The following SLC44A5 variants were observed in gnomAD, a reference collection of about 807,000 sequenced individuals.
SLC44A5 encodes the protein solute carrier family 44 member 5.
In SLC44A5, 57 loss-of-function variants were observed where a neutral mutation model predicts 101.8. The ratio of observed to expected loss-of-function variants is 0.56; its 90% CI spans 0.45 to 0.70. The LOEUF is 0.70. Among genes scored for constraint, SLC44A5 ranks in the 30% least tolerant of loss-of-function variants. The pLI is 0.00. For synonymous variants in SLC44A5, 281 were observed against 290.9 expected (o/e 0.97, Z 0.35); for missense variants, 737 against 853.1 (o/e 0.86, Z 1.70).
chr1:75,242,153 CATA>C (rs934385223), intron 8 of SLC44A5, 92 bp from the exon 9 acceptor site: 17 of 862,946 alleles, frequency 2.0e-5, no homozygotes, highest in Middle Eastern at 2.3e-4. Flanking sequence ...AATTTAACTC[CATA>C]ATAATCTCCT....
rs567580122 is a variant in SLC44A5, at chr1:75,267,231, A to T, written c.260+7727T>A. On this transcript the variant is annotated intron_variant, in intron 6 of 23. Coordinates refer to ENST00000370859, the MANE Select transcript of SLC44A5 (RefSeq NM_001130058.2). The stretch of plus-strand genomic sequence containing the variant: ...TTTGCTTCATTATCAGGAAATAAAG[A>T]CTGAGGTAGGTTGTGTTCCATGCCA... 2.7e-4 allele frequency among the ~76,000 whole-genome samples: 41 copies of T among 152,248 alleles called. No homozygotes were observed. The South Asian group carries it at 8.3e-3, about 31-fold the overall frequency.
chr1:75,231,207 C>T (rs1290925051), intron 12 of SLC44A5, among the ~76,000 whole-genome samples: 3 of 152,116 alleles, frequency 2.0e-5, no homozygotes, highest in African/African-American at 7.2e-5. Context: ...ATCCCCTGTT[C>T]TGCTGCCAAC....
the SLC44A5 span, among the ~76,000 whole-genome samples, chr1:75,699,471 C>A: frequency 2.6e-5 from 4 of 151,752 alleles, no homozygotes; most frequent in African/African-American, 9.7e-5. Context: ...TCGTCACCAC[C>A]CGGCCTGCCC....
intron 3 of SLC44A5, among the ~76,000 whole-genome samples, chr1:75,341,893 A>G (rs1209387390): frequency 6.6e-6 from 1 of 152,176 alleles, no homozygotes; most frequent in Non-Finnish European, 1.5e-5. Flanking sequence ...CAAATATTCT[A>G]ATTCCATAGA....
chr1:75,615,825 G>C (rs562653814), upstream of SLC44A5: 34 of 982,694 alleles, frequency 3.5e-5, no homozygotes, highest in South Asian at 9.9e-4. Context: ...GAGGGGAGGC[G>C]GCGAGGGGAG....
chr1:75,565,176 T>G (rs1672727261), intron 1 of SLC44A5, among the ~76,000 whole-genome samples: 1 of 152,194 alleles, frequency 6.6e-6, no homozygotes, highest in African/African-American at 2.4e-5. Context: ...GCCAGCCTAC[T>G]TTTCCCGACC....
chr1:75,657,236 A>T, the SLC44A5 span, among the ~76,000 whole-genome samples: 4 of 152,178 alleles, frequency 2.6e-5, no homozygotes, highest in African/African-American at 9.7e-5. Context: ...CTCACTTCAC[A>T]TATAAAGACA....
At chr1:75,535,068 C>A (rs1379604438) in intron 2 of SLC44A5, among the ~76,000 whole-genome samples, 2 of 98,670 alleles carry the variant, frequency 2.0e-5, no homozygotes, top group Non-Finnish European at 4.0e-5. Flanking sequence ...ATAATTGAAG[C>A]TGCTTTTTTT....
intron 2 of SLC44A5, among the ~76,000 whole-genome samples, chr1:75,402,847 C>G (rs548460078): frequency 6.6e-6 from 1 of 152,194 alleles, no homozygotes; most frequent in South Asian, 2.1e-4. Flanking sequence ...TGAGACAGAA[C>G]CATTTACTCC....
chr1:75,295,235 A>G (rs997860969), intron 5 of SLC44A5, among the ~76,000 whole-genome samples: 22 of 152,250 alleles, frequency 1.4e-4, no homozygotes, highest in African/African-American at 5.3e-4. Context: ...TGTGTTTATT[A>G]GTAAGAGAAA....
Position 75,355,624 on chromosome 1 carries a change from C to T in SLC44A5, c.53-15994G>A, listed in dbSNP as rs1034291480. On this transcript the variant is annotated intron_variant, in intron 3 of 23. Coordinates refer to ENST00000370859, the MANE Select transcript of SLC44A5 (RefSeq NM_001130058.2). ...TGATGCTTCAGTCAATGATGAATCA[C>T]ATACATGAAGGTAGTCCTCCAAGAA... 2.6e-5 allele frequency among the ~76,000 whole-genome samples: 4 copies of T among 152,120 alleles called. No individual in the cohort carries two copies. The East Asian group carries it at 5.8e-4, about 22-fold the overall frequency.
At chr1:75,293,111 A>G (rs1313672902) in intron 5 of SLC44A5, among the ~76,000 whole-genome samples, 1 of 152,254 alleles carries the variant, frequency 6.6e-6, no homozygotes, top group Non-Finnish European at 1.5e-5. Context: ...AATTATTTGT[A>G]AAAGAATTCT....
chr1:75,383,517 A>T (rs949576602), intron 3 of SLC44A5, among the ~76,000 whole-genome samples: 1 of 152,230 alleles, frequency 6.6e-6, no homozygotes, highest in Non-Finnish European at 1.5e-5. Flanking sequence ...AAAAGAATAA[A>T]AAGAAATGAG....
At chr1:75,556,183 C>G (rs1056460493) in intron 1 of SLC44A5, among the ~76,000 whole-genome samples, 1 of 152,064 alleles carries the variant, frequency 6.6e-6, no homozygotes, top group East Asian at 1.9e-4. Flanking sequence ...TCTGACCCCT[C>G]TTCCTCCAAG....
chr1:75,576,161 T>C (rs569695760), intron 1 of SLC44A5, among the ~76,000 whole-genome samples: 197 of 151,520 alleles, frequency 1.3e-3, no homozygotes, highest in Admixed American at 2.6e-3. Flanking sequence ...GGATGTCTAT[T>C]ACAGTAAAAT....
At chr1:75,480,343 A>G (rs1400330769) in intron 2 of SLC44A5, among the ~76,000 whole-genome samples, 2 of 152,224 alleles carry the variant, frequency 1.3e-5, no homozygotes, top group Admixed American at 6.5e-5. Context: ...AAACTGGCAC[A>G]AGACAGGGAT....
chr1:75,479,953 A>G (rs1667724526), intron 2 of SLC44A5, among the ~76,000 whole-genome samples: 1 of 152,248 alleles, frequency 6.6e-6, no homozygotes, highest in Non-Finnish European at 1.5e-5. Flanking sequence ...AACCAAAAAA[A>G]GAGAATTTTA....
At chr1:75,583,912 G>A (rs957972837) in intron 1 of SLC44A5, among the ~76,000 whole-genome samples, 53 of 152,230 alleles carry the variant, frequency 3.5e-4, no homozygotes, top group South Asian at 2.1e-4. Flanking sequence ...TTGGTGGTCC[G>A]GCCAATTTTC....
At position 75,206,729 on chromosome 1, in the gene SLC44A5, C is replaced by A. The variant is rs762026140; in HGVS notation, c.2048-2896G>T. ...CTTTCCAGATCTTCACCTGTATATG[C>A]AGCAGCCAAAGCAGGCAAAAGCAGA... On this transcript the variant is annotated intron_variant, in intron 23 of 23. Transcript: ENST00000370859. 7 of 1,501,718 alleles carry A rather than the reference C, an allele frequency of 4.7e-6. No homozygotes were observed. The Admixed American group carries it at 7.0e-5, about 15-fold the overall frequency. 93.0% of individuals were successfully genotyped at this position (1,501,718 alleles called of 1,614,324 possible). A position where few individuals can be genotyped will look rare whatever the true frequency, so the allele number is the denominator to read the frequency against.
Sources: gnomAD v4.1 joint callset for allele counts (sites outside exome capture counted in the v4.1 genomes callset) on GRCh38, gnomAD v4.1.1 for gene constraint, MANE v1.5 for transcripts, NCBI Gene and HGNC (gene_info 2026-07-23, HGNC 2026-07-21) for gene names.